The following DACH1 variants were observed in gnomAD, a reference collection of about 807,000 sequenced individuals.
DACH1 encodes dachshund homolog 1.
DACH1 carries 12 observed loss-of-function variants against 54.2 expected under a neutral mutation model. The ratio of observed to expected loss-of-function variants is 0.22; its 90% CI spans 0.14 to 0.36. The LOEUF is 0.36. Among genes scored for constraint, DACH1 ranks in the 10% least tolerant of loss-of-function variants. The pLI, the probability that DACH1 is intolerant of heterozygous loss-of-function variation, is 1.00. For missense variants in DACH1, 805 were observed against 929.8 expected (o/e 0.87, Z 1.75); for synonymous variants, 386 against 366.2 (o/e 1.05, Z -0.62).
At chr13:71,530,455 A>T (rs994217791) in intron 6 of DACH1, among the ~76,000 whole-genome samples, 25 of 133,034 alleles carry the variant, frequency 1.9e-4, no homozygotes, top group Admixed American at 7.1e-4. Context: ...ACACTAATTT[A>T]AAAAAAAAAG....
At chr13:71,517,655 G>GTCA (rs1881263786) in intron 6 of DACH1, among the ~76,000 whole-genome samples, 1 of 151,870 alleles carries the variant, frequency 6.6e-6, no homozygotes, top group Non-Finnish European at 1.5e-5. Flanking sequence ...TGGAAAGGAA[G>GTCA]TCATAAGAAG....
rs367647563 is a variant in DACH1 at position 71,598,486 on chromosome 13, C to T, written c.1127-25474G>A. ...GTCAGGCTGGTCTCGAACTCCTGAC[C>T]CCATGATCCACCCACCTCAGCCTCC... On this transcript the variant is annotated intron_variant, in intron 3 of 10. Coordinates refer to ENST00000613252, the MANE Select transcript of DACH1 (RefSeq NM_080759.6). 3.9e-5 allele frequency among the ~76,000 whole-genome samples: 6 copies of T among 152,230 alleles called. No homozygotes were observed. In the South Asian group the frequency reaches 6.2e-4, roughly 16 times the overall value.
chr13:71,737,408 C>T (rs1307943074), intron 1 of DACH1, among the ~76,000 whole-genome samples: 2 of 152,006 alleles, frequency 1.3e-5, no homozygotes, highest in African/African-American at 2.4e-5. Context: ...AAAAAGTACC[C>T]TCCCCACATA....
chr13:71,722,833 C>T (rs149628688), intron 1 of DACH1, among the ~76,000 whole-genome samples: 113 of 152,088 alleles, frequency 7.4e-4, no homozygotes, highest in African/African-American at 2.5e-3. Context: ...ATATACTATT[C>T]GTGGCTTTCT....
chr13:71,499,711 C>T (rs1205739944), intron 6 of DACH1, among the ~76,000 whole-genome samples: 4 of 152,082 alleles, frequency 2.6e-5, no homozygotes, highest in African/African-American at 7.2e-5. Flanking sequence ...CACAGTAAAA[C>T]ATCACTTCTG....
At chr13:71,632,877 T>A (rs1446922386) in intron 2 of DACH1, among the ~76,000 whole-genome samples, 1 of 152,202 alleles carries the variant, frequency 6.6e-6, no homozygotes, top group African/African-American at 2.4e-5. Context: ...CTTCCTATGA[T>A]TGAATTTTCT....
chr13:71,631,395 A>G (rs1877090302), intron 2 of DACH1, among the ~76,000 whole-genome samples: 1 of 152,134 alleles, frequency 6.6e-6, no homozygotes, highest in South Asian at 2.1e-4. Context: ...CTGCTGTTAT[A>G]GGACATGCCA....
At chr13:71,824,644 A>G (rs1435493342) in intron 1 of DACH1, among the ~76,000 whole-genome samples, 1 of 151,966 alleles carries the variant, frequency 6.6e-6, no homozygotes, top group Non-Finnish European at 1.5e-5. Flanking sequence ...ACAATTCTCC[A>G]CATCATTTCT....
chr13:71,578,387 C>A (rs1885665854), intron 3 of DACH1, among the ~76,000 whole-genome samples: 1 of 152,108 alleles, frequency 6.6e-6, no homozygotes, highest in Non-Finnish European at 1.5e-5. Context: ...AAATATTAGT[C>A]ACAGGTGCTA....
intron 1 of DACH1, among the ~76,000 whole-genome samples, chr13:71,739,645 G>A (rs1884299906): frequency 6.6e-6 from 1 of 152,102 alleles, no homozygotes; most frequent in South Asian, 2.1e-4. Flanking sequence ...CACTGTCCTG[G>A]ACAAGACAGC....
At chr13:71,627,217 G>A (rs923401513) in intron 3 of DACH1, among the ~76,000 whole-genome samples, 1 of 150,642 alleles carries the variant, frequency 6.6e-6, no homozygotes, top group Non-Finnish European at 1.5e-5. Flanking sequence ...AGGGTTGTGT[G>A]ATACAAATTT....
chr13:71,686,570 G>A (rs1212841030), intron 1 of DACH1, among the ~76,000 whole-genome samples: 3 of 152,162 alleles, frequency 2.0e-5, no homozygotes, highest in African/African-American at 7.2e-5. Flanking sequence ...TTAATAAGAA[G>A]CTTAGTGCAA....
intron 1 of DACH1, among the ~76,000 whole-genome samples, chr13:71,688,833 T>A (rs1430076868): frequency 6.6e-6 from 1 of 152,232 alleles, no homozygotes. Flanking sequence ...GGGAAAAAGT[T>A]AAAGTATATT....
chr13:71,678,140 A>G (rs1880681262), intron 2 of DACH1, among the ~76,000 whole-genome samples: 1 of 152,232 alleles, frequency 6.6e-6, no homozygotes. Context: ...TTCTCAGAAT[A>G]CAAAAGTACA....
chr13:71,789,189 T>C (rs776207975), intron 1 of DACH1, among the ~76,000 whole-genome samples: 1 of 152,112 alleles, frequency 6.6e-6, no homozygotes, highest in Non-Finnish European at 1.5e-5. Flanking sequence ...CTTTGTAAAA[T>C]GTATGATTTT....
rs560281169 is a variant in DACH1 at position 71,706,401 on chromosome 13, C to T, written c.849-24491G>A. Among the ~76,000 whole-genome samples the T allele has an allele frequency of 2.8e-4, 42 of 151,932 alleles. No individual in the cohort carries two copies. The South Asian group carries it at 8.1e-3, about 29-fold the overall frequency. On this transcript the variant is annotated intron_variant, in intron 1 of 10. Coordinates refer to ENST00000613252, the MANE Select transcript of DACH1 (RefSeq NM_080759.6). The stretch of plus-strand genomic sequence containing the variant: ...TAATAACAGCCTGCTTAATTGAAAT[C>T]CCAACAAAGATAGCATATTTGCAAA...
At chr13:71,637,888 C>A (rs937320401) in intron 2 of DACH1, among the ~76,000 whole-genome samples, 4 of 152,086 alleles carry the variant, frequency 2.6e-5, no homozygotes, top group African/African-American at 9.7e-5. Flanking sequence ...CTGTCAAATT[C>A]TTTCTCTGAT....
At chr13:71,542,392 CT>C (rs1883193615) in intron 6 of DACH1, among the ~76,000 whole-genome samples, 5 of 152,038 alleles carry the variant, frequency 3.3e-5, no homozygotes, top group Admixed American at 3.3e-4. Flanking sequence ...GAAAATATAA[CT>C]TATTCCTTAA....
intron 1 of DACH1, among the ~76,000 whole-genome samples, chr13:71,736,259 T>C (rs74492493): frequency 0.05 from 7,581 of 152,240 alleles, 601 homozygotes; most frequent in African/African-American, 0.17. Context: ...GTGATTCACC[T>C]TAGAATAGAT....
Sources: allele counts gnomAD v4.1 joint callset (sites outside exome capture counted in the v4.1 genomes callset), GRCh38; gene constraint gnomAD v4.1.1; transcripts MANE v1.5; gene names NCBI Gene and HGNC (gene_info 2026-07-23, HGNC 2026-07-21).